The following SPNS3 variants were observed in gnomAD, a reference collection of about 807,000 sequenced individuals.
SPNS3 encodes SPNS lysolipid transporter 3, sphingosine-1-phosphate (putative), also known as protein spinster homolog 3.
A neutral mutation model predicts 54.4 loss-of-function variants in SPNS3; 51 were observed. The ratio of observed to expected loss-of-function variants is 0.94; its 90% CI spans 0.75 to 1.18. The LOEUF is 1.18. Among genes scored for constraint, SPNS3 ranks in the 50% most tolerant of loss-of-function variants. The pLI, the probability that SPNS3 is intolerant of heterozygous loss-of-function variation, is 0.00. For synonymous variants in SPNS3, 309 were observed against 294.7 expected (o/e 1.05, Z -0.50); for missense variants, 669 against 677.4 (o/e 0.99, Z 0.14).
chr17:4,480,327 C>A (rs1166783355), intron 9 of SPNS3, among the ~76,000 whole-genome samples: 1 of 152,248 alleles, frequency 6.6e-6, no homozygotes, highest in African/African-American at 2.4e-5. Context: ...GTAATCACCA[C>A]CTGCCCGGTA....
At chr17:4,468,721 T>TTTTCTTTCTTTC (rs779220181) in intron 8 of SPNS3, among the ~76,000 whole-genome samples, 24,195 of 121,180 alleles carry the variant, frequency 0.2, 2,846 homozygotes, top group South Asian at 0.24. Context: ...TCTCTCTTTC[T>TTTTCTTTCTTTC]TTTCTTTCTT....
rs772848468 is a variant in SPNS3 at position 4,445,036 on chromosome 17, C to T, written c.270C>T (p.Phe90=). 96 of 1,613,330 alleles carry T rather than the reference C, an allele frequency of 6.0e-5. No homozygotes were observed. The highest frequency in any genetic ancestry group is 3.5e-4 in the South Asian group (32 of 90,982). ...DNHAGLLQTV[F]VSCLLLSAPV... ...GCCCCTGTGTGTCTCCTTCAGTCTT[C>T]GTTAGCTGCCTGCTGCTGTCTGCAC... is the stretch of plus-strand genomic sequence containing the variant. Residue 90 remains phenylalanine (F), a synonymous_variant, in exon 3 of 12, where the codon TTC becomes TTT. Transcript: ENST00000355530.
At chr17:4,476,208 C>A (rs937133960) in intron 8 of SPNS3, among the ~76,000 whole-genome samples, 2 of 152,196 alleles carry the variant, frequency 1.3e-5, no homozygotes, top group African/African-American at 4.8e-5. Context: ...CTTTGCCCCT[C>A]AAAGCTGCCA....
chr17:4,448,107 G>A, intron 5 of SPNS3, 48 bp from the exon 6 acceptor site: 1 of 1,523,516 alleles, frequency 6.6e-7, no homozygotes, highest in Non-Finnish European at 8.8e-7. Context: ...GGTCCCTTGG[G>A]CTGTGATAAT....
chr17:4,475,346 A>C (rs1265128955), intron 8 of SPNS3, among the ~76,000 whole-genome samples: 1 of 152,070 alleles, frequency 6.6e-6, no homozygotes, highest in South Asian at 2.1e-4. Flanking sequence ...GTCTGGAGGG[A>C]TGGTGGGGCC....
chr17:4,485,800 G>A (rs1448058942), intron 9 of SPNS3, among the ~76,000 whole-genome samples: 2 of 152,214 alleles, frequency 1.3e-5, no homozygotes, highest in African/African-American at 2.4e-5. Flanking sequence ...AGGTTCCTGA[G>A]AGGACTGAGC....
At chr17:4,481,457 CAG>C (rs1402232320) in intron 9 of SPNS3, among the ~76,000 whole-genome samples, 1 of 152,022 alleles carries the variant, frequency 6.6e-6, no homozygotes, top group African/African-American at 2.4e-5. Flanking sequence ...ACAGGGTCCA[CAG>C]AACAAGGGAG....
In SPNS3 at chr17:4,449,395, C is replaced by A. The variant is rs754948701; in HGVS notation, c.923+8C>A. 6 of 1,573,956 alleles carry A rather than the reference C, an allele frequency of 3.8e-6. No homozygotes were observed. Among genetic ancestry groups the A allele is most frequent in the Non-Finnish European group, 4.3e-6 (5 of 1,168,050 alleles). ...GTGCAGCAACCCCGACAGGTGAGGG[C>A]ATCCGGGGGCCCTGGGCACCTGGCC... On this transcript the variant is annotated splice_region_variant and intron_variant, in intron 7 of 11. Coordinates refer to ENST00000355530, the MANE Select transcript of SPNS3 (RefSeq NM_182538.5).
chr17:4,476,897 G>T (rs1416523029), intron 8 of SPNS3, among the ~76,000 whole-genome samples: 2 of 152,212 alleles, frequency 1.3e-5, no homozygotes, highest in Non-Finnish European at 2.9e-5. Flanking sequence ...GTCCCGCCCG[G>T]CATGGTGGCC....
chr17:4,463,602 G>A (rs973556457), intron 8 of SPNS3, among the ~76,000 whole-genome samples: 2 of 151,190 alleles, frequency 1.3e-5, no homozygotes, highest in African/African-American at 4.9e-5. Flanking sequence ...AGCTGGGCGT[G>A]GCGGCATGCG....
chr17:4,458,964 C>A (rs571317360), intron 8 of SPNS3, among the ~76,000 whole-genome samples: 2 of 152,074 alleles, frequency 1.3e-5, no homozygotes, highest in South Asian at 2.1e-4. Flanking sequence ...AGCCTTATTC[C>A]TCCACTGAAG....
At chr17:4,464,015 G>A (rs1971614433) in intron 8 of SPNS3, among the ~76,000 whole-genome samples, 1 of 152,192 alleles carries the variant, frequency 6.6e-6, no homozygotes, top group Non-Finnish European at 1.5e-5. Context: ...GCCTGTAACT[G>A]CATTGTGTGG....
chr17:4,454,545 C>CA (rs1040760513), intron 8 of SPNS3, among the ~76,000 whole-genome samples: 4 of 151,598 alleles, frequency 2.6e-5, no homozygotes, highest in Non-Finnish European at 4.4e-5. Flanking sequence ...TCTAGTCACA[C>CA]ACATGAACTA....
chr17:4,487,235 G>A (rs1388504946), intron 11 of SPNS3, among the ~76,000 whole-genome samples: 2 of 150,660 alleles, frequency 1.3e-5, no homozygotes, highest in African/African-American at 2.4e-5. Context: ...CTGCACAGGC[G>A]AAACTAGAGC....
intron 8 of SPNS3, among the ~76,000 whole-genome samples, chr17:4,458,016 C>A (rs998314219): frequency 6.6e-6 from 1 of 152,220 alleles, no homozygotes; most frequent in Non-Finnish European, 1.5e-5. Context: ...ATCCCGCCCC[C>A]ACCCCTTGGC....
At chr17:4,450,627 A>T (rs900069408) in intron 7 of SPNS3, among the ~76,000 whole-genome samples, 1 of 147,226 alleles carries the variant, frequency 6.8e-6, no homozygotes, top group Non-Finnish European at 1.5e-5. Context: ...ACAGAGTTTC[A>T]CTCTCGTTGC....
Position 4,446,154 on chromosome 17 carries a change from G to A in SPNS3, c.509G>A (p.Arg170His), listed in dbSNP as rs768760635. ...VLGDLFVRDQ[R>H]TRVLAVFYIF... ...GGCGACCTCTTCGTGAGGGACCAGC[G>A]CACCCGCGTGCTGGCTGTCTTCTAC... Residue 170 changes from arginine (R) to histidine (H), a missense_variant, in exon 4 of 12, where the codon CGC becomes CAC. By Grantham distance (29) the Arg-to-His change is conservative. Coordinates refer to ENST00000355530, the MANE Select transcript of SPNS3 (RefSeq NM_182538.5). 2.1e-4 allele frequency: 346 copies of A among 1,613,180 alleles called. No homozygotes were observed. Among genetic ancestry groups the A allele is most frequent in the Non-Finnish European group, 2.7e-4 (315 of 1,179,410 alleles).
At chr17:4,436,984 C>A (rs150056304) in intron 1 of SPNS3, among the ~76,000 whole-genome samples, 218 of 152,302 alleles carry the variant, frequency 1.4e-3, no homozygotes, top group African/African-American at 5.0e-3. Flanking sequence ...CCTGGCTGGG[C>A]CCTAAGACCC....
intron 8 of SPNS3, among the ~76,000 whole-genome samples, chr17:4,458,646 T>TTTCC (rs1555530863): frequency 0.031 from 3,964 of 128,054 alleles, 95 homozygotes; most frequent in Middle Eastern, 0.045. Flanking sequence ...TCTTTCTTTC[T>TTTCC]TTCCTTCCTT....
Sources: gnomAD v4.1 joint callset for allele counts (sites outside exome capture counted in the v4.1 genomes callset) on GRCh38, gnomAD v4.1.1 for gene constraint, MANE v1.5 for transcripts, NCBI Gene and HGNC (gene_info 2026-07-23, HGNC 2026-07-21) for gene names.